Variants in FHAD1 observed in about 807,000 individuals in gnomAD.
FHAD1 encodes the protein forkhead-associated domain-containing protein 1.
In FHAD1, 146 loss-of-function variants were observed where a neutral mutation model predicts 191.3. That is an observed-to-expected ratio of 0.76 (90% CI 0.67 to 0.88). The LOEUF is 0.88. FHAD1 is among the 40% of genes least tolerant of loss of function. The pLI is 0.00. For missense variants in FHAD1, 1,635 were observed against 1,785.8 expected (o/e 0.92, Z 1.52); for synonymous variants, 616 against 672.3 (o/e 0.92, Z 1.29).
At chr1:15,392,898 T>C (rs1260174629) in intron 33 of FHAD1, among the ~76,000 whole-genome samples, 5 of 152,118 alleles carry the variant, frequency 3.3e-5, no homozygotes, top group East Asian at 3.9e-4. Flanking sequence ...CTAGGCCACC[T>C]ACCGTGCTAA....
chr1:15,294,997 T>G (rs1042537777), intron 4 of FHAD1, among the ~76,000 whole-genome samples: 1 of 152,222 alleles, frequency 6.6e-6, no homozygotes, highest in Non-Finnish European at 1.5e-5. Flanking sequence ...GATACCATCC[T>G]GATTTATATA....
intron 4 of FHAD1, among the ~76,000 whole-genome samples, chr1:15,294,108 C>T (rs1019322640): frequency 3.3e-5 from 5 of 152,272 alleles, no homozygotes; most frequent in Admixed American, 6.5e-5. Context: ...GTGTCAGACC[C>T]GGGCCTCTCT....
At chr1:15,279,786 G>A (rs1659891558) in intron 3 of FHAD1, among the ~76,000 whole-genome samples, 1 of 152,022 alleles carries the variant, frequency 6.6e-6, no homozygotes, top group African/African-American at 2.4e-5. Context: ...GCCAGGCCTG[G>A]GGCATACTCC....
chr1:15,357,105 G>A (rs1200071987), intron 20 of FHAD1, among the ~76,000 whole-genome samples: 1 of 152,188 alleles, frequency 6.6e-6, no homozygotes, highest in Non-Finnish European at 1.5e-5. Flanking sequence ...CTGAGTCACA[G>A]GACATGCACA....
At chr1:15,248,545 C>T (rs2100714392) in intron 1 of FHAD1, among the ~76,000 whole-genome samples, 1 of 152,030 alleles carries the variant, frequency 6.6e-6, no homozygotes, top group Non-Finnish European at 1.5e-5. Context: ...GGGCTGCTAG[C>T]CAGTGCCCAA....
chr1:15,360,181 A>G (rs991961789), intron 21 of FHAD1, among the ~76,000 whole-genome samples: 4 of 152,186 alleles, frequency 2.6e-5, no homozygotes, highest in South Asian at 2.1e-4. Flanking sequence ...AAACAAAATT[A>G]AAGGCTTCAG....
intron 2 of FHAD1, among the ~76,000 whole-genome samples, chr1:15,270,690 GAA>G (rs1490493505): frequency 1.3e-5 from 2 of 152,130 alleles, no homozygotes; most frequent in Admixed American, 1.3e-4. Context: ...GATAAACTTA[GAA>G]AATAGTTGCA....
intron 23 of FHAD1, among the ~76,000 whole-genome samples, chr1:15,364,655 C>T (rs955151368): frequency 1.3e-5 from 2 of 152,098 alleles, no homozygotes; most frequent in East Asian, 3.9e-4. Flanking sequence ...TAAGAAGAGC[C>T]TGGATTTCAA....
chr1:15,380,580 C>T lies in FHAD1; in HGVS notation c.3706-121C>T, dbSNP rs573969900. Reference sequence around the variant, plus strand: ...AAGGAATCAGACGGAATGATCAGGACGCGGACTGAAAATCAACTCTCTTGA... The same window carrying T: ...AAGGAATCAGACGGAATGATCAGGATGCGGACTGAAAATCAACTCTCTTGA... On this transcript the variant is annotated intron_variant, in intron 28 of 33. Transcript: ENST00000688493. 5.5e-4 allele frequency: 403 copies of T among 733,434 alleles called. 1 individual carries two copies. The highest frequency in any genetic ancestry group is 6.7e-4 in the African/African-American group (38 of 56,988). The allele number at this position is 733,434 out of a possible 1,614,324, so 45.4% of individuals were successfully genotyped here.
intron 19 of FHAD1, among the ~76,000 whole-genome samples, chr1:15,351,301 C>T (rs1435265279): frequency 3.3e-5 from 5 of 152,054 alleles, no homozygotes; most frequent in Admixed American, 6.5e-5. Flanking sequence ...GCTGAGAGCA[C>T]GCCACTGTAC....
upstream of FHAD1, among the ~76,000 whole-genome samples, chr1:15,246,229 G>A (rs753598168): frequency 1.1e-4 from 16 of 152,038 alleles, no homozygotes; most frequent in Middle Eastern, 3.2e-3. Flanking sequence ...AAAAGCAAGC[G>A]GGAAGTCTGC....
intron 6 of FHAD1, chr1:15,305,745 C>A (rs1278740446): frequency 4.5e-6 from 2 of 448,066 alleles, no homozygotes; most frequent in South Asian, 3.1e-5. Flanking sequence ...TCCGCATTTT[C>A]TCTTGCCGCC....
In FHAD1 at chr1:15,381,343, G is replaced by A. The variant is rs1038363692; in HGVS notation, c.3914G>A (p.Arg1305Gln). ...GAGAGGGAGAAGGTCAACCAGCTTC[G>A]ACAAAGGGACCTCGACCTGGTGTTT... The part of the protein sequence containing the change: ...RQEREKVNQL[R>Q]QRDLDLVFDK... The change falls in exon 30 of 34, where the codon CGA (arginine) becomes CAA (glutamine). Residue 1305 changes from arginine to glutamine, a missense_variant. Arg to Gln is a conservative substitution (Grantham distance 43, BLOSUM62 1). Transcript: ENST00000688493. This position sits in a 1 kb window ranked among gnomAD's most constrained non-coding sequence, Gnocchi z 4.6. 3.2e-6 allele frequency: 5 copies of A among 1,551,590 alleles called. No individual in the cohort carries two copies. Among genetic ancestry groups the A allele is most frequent in the Admixed American group, 3.9e-5 (2 of 50,978 alleles).
At chr1:15,400,441 G>A (rs1356562767), downstream of FHAD1, among the ~76,000 whole-genome samples, 5 of 151,994 alleles carry the variant, frequency 3.3e-5, no homozygotes, top group East Asian at 9.6e-4. Flanking sequence ...GGTTTAGAAT[G>A]GCCTCTTTCA....
Position 15,397,334 on chromosome 1 carries a change from A to G in FHAD1, c.4361A>G (p.Glu1454Gly). The G allele has an allele frequency of 2.6e-6, 4 of 1,545,246 alleles. No individual in the cohort carries two copies. The highest frequency in any genetic ancestry group is 3.5e-6 in the Non-Finnish European group (4 of 1,142,602). ...AAAGCCTCCCTAAAGATGGACCAAG[A>G]AAGAGAGATGCTGAGGAAAGAGACC... ...TRKASLKMDQEREMLRKETSS... is the reference protein window; with the variant it reads ...TRKASLKMDQGREMLRKETSS... The change falls in exon 34 of 34, where the codon GAA becomes GGA. Residue 1454 changes from glutamate to glycine, a missense_variant. By Grantham distance (98) the Glu-to-Gly change is moderately conservative. Transcript: ENST00000688493.
Position 15,327,101 on chromosome 1 carries a change from C to T in FHAD1, c.1516C>T (p.Arg506Trp), listed in dbSNP as rs868072665. The T allele has an allele frequency of 1.9e-5, 29 of 1,551,250 alleles. No homozygotes were observed. Among genetic ancestry groups the T allele is most frequent in the African/African-American group, 5.5e-5 (4 of 73,006 alleles). ...RSQVIKATYG[R>W]AKPFRDKPVT... ...TCAAGTCATCAAGGCCACCTATGGA[C>T]GGGCGAAGCCGTTCCGGGACAAGCC... Residue 506 changes from arginine to tryptophan, a missense_variant, in exon 12 of 34, where the codon CGG (arginine) becomes TGG (tryptophan). Coordinates refer to ENST00000688493, the MANE Select transcript of FHAD1 (RefSeq NM_001391957.1). This position sits in a 1 kb window ranked among gnomAD's most constrained non-coding sequence, Gnocchi z 5.1.
intron 16 of FHAD1, among the ~76,000 whole-genome samples, chr1:15,344,321 T>G (rs1025750963): frequency 6.6e-6 from 1 of 152,234 alleles, no homozygotes; most frequent in African/African-American, 2.4e-5. Context: ...TTGAGGACTT[T>G]GTTTCAAAGG....
intron 20 of FHAD1, among the ~76,000 whole-genome samples, chr1:15,355,841 A>G (rs1344676871): frequency 6.6e-6 from 1 of 152,168 alleles, no homozygotes; most frequent in African/African-American, 2.4e-5. Context: ...GCTTGCAGGA[A>G]TAACACAATG....
At chr1:15,253,635 A>G (rs1164358665) in intron 2 of FHAD1, among the ~76,000 whole-genome samples, 2 of 152,206 alleles carry the variant, frequency 1.3e-5, no homozygotes, top group East Asian at 3.8e-4. Context: ...TTGCCAGTAT[A>G]TAGAAACATA....
Sources: allele counts gnomAD v4.1 joint callset (sites outside exome capture counted in the v4.1 genomes callset), GRCh38; gene constraint gnomAD v4.1.1; non-coding constraint Gnocchi (gnomAD v3.1); transcripts MANE v1.5; gene names NCBI Gene and HGNC (gene_info 2026-07-23, HGNC 2026-07-21).